The following STS variants were observed in gnomAD, a reference collection of about 807,000 sequenced individuals.
STS encodes steryl-sulfatase.
In STS, 7 loss-of-function variants were observed where a neutral mutation model predicts 26.8. That is an observed-to-expected ratio of 0.26 (90% confidence interval 0.15 to 0.49). STS has a LOEUF of 0.49. Ranked by LOEUF, STS falls within the 20% of genes least tolerant of loss-of-function variation. The pLI is 0.98. For missense variants in STS, 434 were observed against 465.6 expected, an observed-to-expected ratio of 0.93 and a Z score of 0.63; for synonymous variants, 199 against 189.4, an observed-to-expected ratio of 1.05 and a Z score of -0.42.
chrX:7,151,883 C>T (rs976834374), intron 1 of STS, among the ~76,000 whole-genome samples: 1 of 111,772 alleles, frequency 8.9e-6, no homozygotes, highest in South Asian at 3.8e-4. Context: ...CCATTGACCC[C>T]CTCCTGGGGT....
At chrX:7,177,012 G>T (rs1407597924) in intron 1 of STS, among the ~76,000 whole-genome samples, 1 of 111,674 alleles carries the variant, frequency 9.0e-6, no homozygotes, top group Non-Finnish European at 1.9e-5. Context: ...TTCCCACAGC[G>T]TGTATCATTT....
At chrX:7,225,709 G>C (rs1480106928) in intron 2 of STS, among the ~76,000 whole-genome samples, 1 of 111,986 alleles carries the variant, frequency 8.9e-6, no homozygotes, top group Non-Finnish European at 1.9e-5. Flanking sequence ...GGAAGGGTGA[G>C]AACCCTCCCC....
At chrX:7,211,113 G>A (rs1256714857) in intron 2 of STS, among the ~76,000 whole-genome samples, 1 of 111,824 alleles carries the variant, frequency 8.9e-6, no homozygotes, top group African/African-American at 3.2e-5. Flanking sequence ...GCTCCTAAGT[G>A]AAACTTTGTA....
At chrX:7,201,819 G>C (rs1400802273) in intron 2 of STS, among the ~76,000 whole-genome samples, 1 of 111,000 alleles carries the variant, frequency 9.0e-6, no homozygotes, top group Non-Finnish European at 1.9e-5. Context: ...CCTTTAGAGA[G>C]TCCAGATCTG....
At chrX:7,148,787 T>C (rs1214916015) in intron 1 of STS, among the ~76,000 whole-genome samples, 1 of 112,237 alleles carries the variant, frequency 8.9e-6, no homozygotes, top group Non-Finnish European at 1.9e-5. Context: ...GGCTGGTGCA[T>C]TGTCCCAGAG....
chrX:7,161,456 C>T (rs942850234), intron 1 of STS, among the ~76,000 whole-genome samples: 1 of 111,603 alleles, frequency 9.0e-6, no homozygotes, highest in African/African-American at 3.3e-5. Context: ...AAATGAACAT[C>T]CAAAAACAAT....
At chrX:7,283,769 G>A (rs1298503994) in intron 7 of STS, among the ~76,000 whole-genome samples, 1 of 111,583 alleles carries the variant, frequency 9.0e-6, no homozygotes, top group Non-Finnish European at 1.9e-5. Flanking sequence ...ATGGTGGTGG[G>A]GGATGAGGAA....
intron 1 of STS, among the ~76,000 whole-genome samples, chrX:7,173,087 C>G (rs1400289359): frequency 9.0e-6 from 1 of 110,861 alleles, no homozygotes; most frequent in Admixed American, 9.6e-5. Flanking sequence ...TGCTCTACCC[C>G]CAGCCTATCC....
At chrX:7,164,743 C>T (rs184124726) in intron 1 of STS, among the ~76,000 whole-genome samples, 86 of 110,101 alleles carry the variant, frequency 7.8e-4, no homozygotes, top group Middle Eastern at 4.7e-3. Context: ...TGGTGGCTCT[C>T]ACGCCTGGAA....
intron 6 of STS, among the ~76,000 whole-genome samples, chrX:7,274,121 CT>C (rs375847141): frequency 0.35 from 38,722 of 110,362 alleles, 5,081 homozygotes; most frequent in East Asian, 0.39. Flanking sequence ...AGAAGCTGGG[CT>C]GTGTGAGAGT....
At chrX:7,290,974 T>C (rs2147123715) in intron 7 of STS, among the ~76,000 whole-genome samples, 1 of 111,560 alleles carries the variant, frequency 9.0e-6, no homozygotes, top group Non-Finnish European at 1.9e-5. Flanking sequence ...CCTCCAAGTA[T>C]ATTTTATTTT....
chrX:7,215,529 C>G (rs1485702139), intron 2 of STS, among the ~76,000 whole-genome samples: 3 of 110,929 alleles, frequency 2.7e-5, no homozygotes, highest in Non-Finnish European at 3.8e-5. Context: ...TGGAGACTGG[C>G]CTGGATTGGA....
intron 8 of STS, among the ~76,000 whole-genome samples, chrX:7,323,021 A>G (rs142173016): frequency 0.034 from 3,804 of 111,801 alleles, 106 homozygotes; most frequent in African/African-American, 0.086. Context: ...ACCAACGAAG[A>G]TAATAGCCAT....
chrX:7,269,252 G>T (rs746468591), intron 6 of STS, among the ~76,000 whole-genome samples: 13 of 90,524 alleles, frequency 1.4e-4, no homozygotes, highest in Admixed American at 8.0e-4. Context: ...TTCGTCTTTT[G>T]CCATACTAGA....
upstream of STS, among the ~76,000 whole-genome samples, chrX:7,147,683 AAG>A (rs1932898335): frequency 1.8e-5 from 2 of 111,916 alleles, no homozygotes; most frequent in Admixed American, 1.9e-4. Flanking sequence ...CGTAACCGAA[AAG>A]AGAGCGCGGA....
At chrX:7,167,665 A>G (rs1188851834) in intron 1 of STS, among the ~76,000 whole-genome samples, 1 of 111,616 alleles carries the variant, frequency 9.0e-6, no homozygotes, top group Admixed American at 9.5e-5. Context: ...TCTGCTTTCA[A>G]GGCCTTGCCC....
intron 10 of STS, among the ~76,000 whole-genome samples, chrX:7,348,970 G>T (rs1408830387): frequency 9.2e-6 from 1 of 109,272 alleles, no homozygotes; most frequent in Non-Finnish European, 1.9e-5. Flanking sequence ...TATTTTTGTG[G>T]GTTTGTTTTT....
chrX:7,292,401 C>A (rs1231982103), intron 7 of STS, among the ~76,000 whole-genome samples: 1 of 112,371 alleles, frequency 8.9e-6, no homozygotes, highest in East Asian at 2.8e-4. Flanking sequence ...GAAAGGGAGT[C>A]TTTGTACAGA....
At chrX:7,306,233 A>G in intron 8 of STS, among the ~76,000 whole-genome samples, 1 of 111,471 alleles carries the variant, frequency 9.0e-6, no homozygotes, top group African/African-American at 3.3e-5. Flanking sequence ...GACATATCTA[A>G]TGTCTATCTT....
Sources: allele counts gnomAD v4.1 joint callset (sites outside exome capture counted in the v4.1 genomes callset), GRCh38; gene constraint gnomAD v4.1.1; transcripts MANE v1.5; gene names NCBI Gene and HGNC (gene_info 2026-07-23, HGNC 2026-07-21).